Variants in GALNT13 observed in about 807,000 individuals in gnomAD.
GALNT13 encodes polypeptide N-acetylgalactosaminyltransferase 13, also known as UDP-GalNAc:polypeptide N-acetylgalactosaminyltransferase 13.
A neutral mutation model predicts 64.2 loss-of-function variants in GALNT13; 28 were observed. The ratio of observed to expected loss-of-function variants is 0.44; its 90% confidence interval spans 0.32 to 0.60. GALNT13 has a LOEUF of 0.60. GALNT13 is among the 20% of genes least tolerant of loss of function. The pLI, the probability that GALNT13 is intolerant of heterozygous loss-of-function variation, is 0.05. For missense variants in GALNT13, 577 were observed against 669.8 expected (o/e 0.86, Z 1.53); for synonymous variants, 214 against 224.6 (o/e 0.95, Z 0.42).
intron 3 of GALNT13, among the ~76,000 whole-genome samples, chr2:154,014,534 A>G (rs1574331203): frequency 6.8e-6 from 1 of 148,056 alleles, no homozygotes; most frequent in East Asian, 2.0e-4. Context: ...TAGTATTCCC[A>G]GTGCCTGGCT....
At chr2:153,324,386 G>C in the GALNT13 span, among the ~76,000 whole-genome samples, 1 of 152,220 alleles carries the variant, frequency 6.6e-6, no homozygotes, top group Non-Finnish European at 1.5e-5. Context: ...AGCTAAAGGA[G>C]ATTTCGGGCT....
chr2:153,739,060 T>C, the GALNT13 span, among the ~76,000 whole-genome samples: 1 of 151,932 alleles, frequency 6.6e-6, no homozygotes, highest in South Asian at 2.1e-4. Flanking sequence ...TTGAAATAAA[T>C]TGAATGTAAT....
At chr2:153,665,855 G>T in the GALNT13 span, among the ~76,000 whole-genome samples, 1 of 152,234 alleles carries the variant, frequency 6.6e-6, no homozygotes, top group East Asian at 1.9e-4. Flanking sequence ...TGGAGAGTTG[G>T]CAGGAACAGG....
At chr2:153,596,417 T>G in the GALNT13 span, among the ~76,000 whole-genome samples, 1 of 152,130 alleles carries the variant, frequency 6.6e-6, no homozygotes, top group African/African-American at 2.4e-5. Context: ...GCAGCTTCCT[T>G]TGAAAACACA....
the GALNT13 span, among the ~76,000 whole-genome samples, chr2:153,222,176 G>A: frequency 2.6e-5 from 4 of 152,028 alleles, no homozygotes; most frequent in Non-Finnish European, 5.9e-5. Context: ...GCTCTCAGGA[G>A]GCCTGAAGTG....
chr2:153,380,247 A>C, the GALNT13 span, among the ~76,000 whole-genome samples: 6 of 152,124 alleles, frequency 3.9e-5, no homozygotes, highest in Non-Finnish European at 8.8e-5. Flanking sequence ...CAAACAGTAC[A>C]CTCTAAGAAC....
At chr2:154,127,063 C>T (rs940509820) in intron 3 of GALNT13, among the ~76,000 whole-genome samples, 1 of 152,018 alleles carries the variant, frequency 6.6e-6, no homozygotes, top group African/African-American at 2.4e-5. Flanking sequence ...ACTATTTTTA[C>T]GTCTCTGGAC....
chr2:153,706,653 A>C, the GALNT13 span, among the ~76,000 whole-genome samples: 1 of 152,112 alleles, frequency 6.6e-6, no homozygotes, highest in Non-Finnish European at 1.5e-5. Context: ...CTGGACATAT[A>C]TTTCATATCT....
At chr2:153,573,251 G>A in the GALNT13 span, among the ~76,000 whole-genome samples, 1 of 151,858 alleles carries the variant, frequency 6.6e-6, no homozygotes, top group African/African-American at 2.4e-5. Flanking sequence ...TCTTATATAA[G>A]TATAGCTACT....
chr2:153,366,389 C>A, the GALNT13 span, among the ~76,000 whole-genome samples: 5 of 151,266 alleles, frequency 3.3e-5, no homozygotes, highest in African/African-American at 1.2e-4. Flanking sequence ...ACATCTATCC[C>A]GGAACTTAAA....
At chr2:154,168,023 T>C (rs947663878) in intron 4 of GALNT13, among the ~76,000 whole-genome samples, 6 of 152,204 alleles carry the variant, frequency 3.9e-5, no homozygotes, top group African/African-American at 1.4e-4. Flanking sequence ...CATCAGTGCA[T>C]GGAAAGAAAG....
chr2:153,463,363 C>T, the GALNT13 span, among the ~76,000 whole-genome samples: 6 of 152,058 alleles, frequency 3.9e-5, no homozygotes, highest in South Asian at 2.1e-4. Context: ...TCTTCAGTCT[C>T]TAATCGAACA....
At chr2:153,268,624 C>A in the GALNT13 span, among the ~76,000 whole-genome samples, 4 of 152,216 alleles carry the variant, frequency 2.6e-5, no homozygotes, top group Non-Finnish European at 4.4e-5. Flanking sequence ...GTGGCTCCAA[C>A]CTCACATTTC....
chr2:153,178,378 T>C, the GALNT13 span, among the ~76,000 whole-genome samples: 1 of 152,182 alleles, frequency 6.6e-6, no homozygotes, highest in African/African-American at 2.4e-5. Context: ...GTTTTCTCTT[T>C]TGTCTTTTTG....
At chr2:153,887,321 T>A (rs1687248223) in intron 1 of GALNT13, among the ~76,000 whole-genome samples, 1 of 150,062 alleles carries the variant, frequency 6.7e-6, no homozygotes, top group African/African-American at 2.5e-5. Flanking sequence ...CCTCTCTTGG[T>A]ATCTAGTGTG....
At chr2:153,827,603 G>T in the GALNT13 span, among the ~76,000 whole-genome samples, 1 of 146,822 alleles carries the variant, frequency 6.8e-6, no homozygotes, top group South Asian at 2.3e-4. Flanking sequence ...TCCAGCCTGG[G>T]CAACAGAGCG....
the GALNT13 span, among the ~76,000 whole-genome samples, chr2:153,587,322 G>T: frequency 2.6e-5 from 4 of 151,866 alleles, no homozygotes; most frequent in African/African-American, 9.7e-5. Flanking sequence ...AGCAAAAGCA[G>T]TGCTAAGAGG....
the GALNT13 span, among the ~76,000 whole-genome samples, chr2:153,415,605 T>A: frequency 6.6e-6 from 1 of 152,188 alleles, no homozygotes; most frequent in Non-Finnish European, 1.5e-5. Context: ...ATTTGCAAAT[T>A]TTTGAACAAC....
intron 1 of GALNT13, among the ~76,000 whole-genome samples, chr2:153,881,830 C>A (rs1317776428): frequency 6.6e-6 from 1 of 151,920 alleles, no homozygotes; most frequent in East Asian, 1.9e-4. Flanking sequence ...TCAATTTTAC[C>A]CTGTGTCCCT....
Sources: allele counts gnomAD v4.1 joint callset (sites outside exome capture counted in the v4.1 genomes callset), GRCh38; gene constraint gnomAD v4.1.1; transcripts MANE v1.5; gene names NCBI Gene and HGNC (gene_info 2026-07-23, HGNC 2026-07-21).